SLC7A8: variants seen among roughly 807,000 people sequenced by gnomAD.
SLC7A8 encodes the protein large neutral amino acids transporter small subunit 2.
In SLC7A8, 30 loss-of-function variants were observed where a neutral mutation model predicts 51.2. That is an observed-to-expected ratio of 0.59 (90% CI 0.44 to 0.80). The LOEUF (loss-of-function observed/expected upper bound fraction) is 0.80, where lower values mean the gene tolerates loss of function less well. Ranked by LOEUF, SLC7A8 falls within the 30% of genes least tolerant of loss-of-function variation. SLC7A8 has a pLI of 0.00. For synonymous variants in SLC7A8, 257 were observed against 275.8 expected, an observed-to-expected ratio of 0.93 and a Z score of 0.67; for missense variants, 612 against 674.4, an observed-to-expected ratio of 0.91 and a Z score of 1.03.
In SLC7A8 at chr14:23,183,527, T is replaced by C. The variant is rs1403295901; in HGVS notation, c.-613A>G. The C allele has an allele frequency of 1.3e-5, 2 of 152,386 alleles. No individual in the cohort carries two copies. Among genetic ancestry groups the C allele is most frequent in the Admixed American group, 1.3e-4 (2 of 15,282 alleles). 9.4% of individuals were successfully genotyped at this position (152,386 alleles called of 1,614,324 possible). On this transcript the variant is annotated 5_prime_UTR_variant, in exon 1 of 11. Transcript: ENST00000316902. ...GGTTTCTTTTCCCTTCCCCGTCTTC[T>C]GCTTCCGCCTTTCCCAGGTGTCCTC...
Position 23,183,137 on chromosome 14 carries a change from T to TA in SLC7A8, c.-224dup, listed in dbSNP as rs60162914. The TA allele has an allele frequency of 0.17, 15,765 of 91,030 alleles. 1,983 individuals are homozygous for TA. Among genetic ancestry groups the TA allele is most frequent in the African/African-American group, 0.32 (7,249 of 22,772 alleles). 5.6% of individuals were successfully genotyped at this position (91,030 alleles called of 1,614,324 possible). A position where few individuals can be genotyped will look rare whatever the true frequency, so the allele number is the denominator to read the frequency against. ...CGTTTACAAACAAGAAAAGTGTTGC[T>TA]AAAAAAAAAAAAAAAAAAAAAGGCC... On this transcript the variant is annotated 5_prime_UTR_variant, in exon 1 of 11. An upstream open reading frame in the 5' UTR loses its in-frame stop. Coordinates refer to ENST00000316902, the MANE Select transcript of SLC7A8 (RefSeq NM_012244.4).
chr14:23,168,340 A>T (rs2048960116), intron 1 of SLC7A8, among the ~76,000 whole-genome samples: 2 of 152,176 alleles, frequency 1.3e-5, no homozygotes, highest in Non-Finnish European at 2.9e-5. Context: ...AGGACTTTGG[A>T]CACGTTCCCC....
intron 4 of SLC7A8, 44 bp downstream of exon 4, chr14:23,143,035 G>T (rs773318021): frequency 1.9e-6 from 3 of 1,608,744 alleles, no homozygotes; most frequent in South Asian, 1.1e-5. Context: ...GTACATGCAA[G>T]GGGAGGAAAG....
intron 3 of SLC7A8, among the ~76,000 whole-genome samples, chr14:23,153,660 C>T (rs1176624741): frequency 1.3e-5 from 2 of 152,170 alleles, no homozygotes; most frequent in Admixed American, 6.5e-5. Context: ...AGTCATTTCC[C>T]ACAGGGATCT....
At position 23,165,270 on chromosome 14, in the gene SLC7A8, C is replaced by G; in HGVS notation, c.508+15G>C. 1 of 1,604,102 alleles carries G rather than the reference C, an allele frequency of 6.2e-7. No individual in the cohort carries two copies. Among genetic ancestry groups the G allele is most frequent in the Non-Finnish European group, 8.5e-7 (1 of 1,176,196 alleles). On this transcript the variant is annotated intron_variant, in intron 3 of 10. Coordinates refer to ENST00000316902, the MANE Select transcript of SLC7A8 (RefSeq NM_012244.4). This position sits in a 1 kb window ranked among gnomAD's most constrained non-coding sequence, Gnocchi z 4.2. ...AAAGAGGCTGTCTTGCTACCAAGAC[C>G]CAGATGACACTTACATAAGCAGATG...
chr14:23,171,102 G>A (rs1350603381), intron 1 of SLC7A8, among the ~76,000 whole-genome samples: 1 of 152,142 alleles, frequency 6.6e-6, no homozygotes, highest in African/African-American at 2.4e-5. Flanking sequence ...TTTTAGCTTA[G>A]ACTCATTGTC....
Position 23,165,224 on chromosome 14 carries a change from A to G in SLC7A8, c.508+61T>C, listed in dbSNP as rs115069736. 1.2e-3 allele frequency: 1,709 copies of G among 1,419,476 alleles called. 20 individuals carry two copies. In the African/African-American group the frequency reaches 0.023, roughly 19 times the overall value. The allele number at this position is 1,419,476 out of a possible 1,614,324, so 87.9% of individuals were successfully genotyped here. A position where few individuals can be genotyped will look rare whatever the true frequency, so the allele number is the denominator to read the frequency against. On this transcript the variant is annotated intron_variant, in intron 3 of 10. Transcript: ENST00000316902. The surrounding 1 kb of genome is among the most constrained non-coding windows in gnomAD (Gnocchi z 4.2). ...CAGAGTGAAGACTCTGTTTCTAAAA[A>G]TAATAATAATAAATATAATAAAAGA... is the stretch of plus-strand genomic sequence containing the variant.
At chr14:23,149,541 A>G (rs984190765) in intron 3 of SLC7A8, among the ~76,000 whole-genome samples, 2 of 152,232 alleles carry the variant, frequency 1.3e-5, no homozygotes, top group Non-Finnish European at 2.9e-5. Context: ...ATCAAAGGCC[A>G]TAAAAGAAGT....
chr14:23,180,208 T>C lies in SLC7A8; in HGVS notation c.151+2556A>G, dbSNP rs200948681. On this transcript the variant is annotated intron_variant, in intron 1 of 10. Coordinates refer to ENST00000316902, the MANE Select transcript of SLC7A8 (RefSeq NM_012244.4). ...GGTGTGAGCCACCGCACCCGGCCCT[T>C]TTTTTGCCTTTTAGTTCTCTTTTTT... is the stretch of plus-strand genomic sequence containing the variant. 3.9e-3 allele frequency among the ~76,000 whole-genome samples: 590 copies of C among 152,252 alleles called. 5 individuals are homozygous for C. The highest frequency in any genetic ancestry group is 0.013 in the African/African-American group (547 of 41,538).
chr14:23,132,637 CTTT>C (rs547398613), intron 7 of SLC7A8, among the ~76,000 whole-genome samples: 5 of 140,370 alleles, frequency 3.6e-5, no homozygotes, highest in Non-Finnish European at 3.1e-5. Flanking sequence ...TTATGATCTG[CTTT>C]TTTTTTTTTT....
Position 23,127,114 on chromosome 14 carries a change from AC to A in SLC7A8, c.*62del. 1.3e-6 allele frequency: 2 copies of A among 1,597,954 alleles called. No individual in the cohort carries two copies. The highest frequency in any genetic ancestry group is 2.2e-5 in the South Asian group (2 of 89,718). On this transcript the variant is annotated 3_prime_UTR_variant, in exon 11 of 11. Transcript: ENST00000316902. The stretch of plus-strand genomic sequence containing the variant: ...GTGTGTACTCGCATGTGTTGGCAGG[AC>A]CAAGGCAGGGAGGTAGGATAAAAGG...
chr14:23,128,265 C>A lies in SLC7A8; in HGVS notation c.1264-69G>T. 6.3e-7 allele frequency: 1 copy of A among 1,590,334 alleles called. No individual in the cohort carries two copies. Among genetic ancestry groups the A allele is most frequent in the Non-Finnish European group, 8.6e-7 (1 of 1,168,586 alleles). ...TGGCCCCCAGGACTAGGGACTGGGGCATTCTCTCTCTTCTTCACCCACAGA... is the reference window on the plus strand; with the variant it reads ...TGGCCCCCAGGACTAGGGACTGGGGAATTCTCTCTCTTCTTCACCCACAGA... On this transcript the variant is annotated intron_variant, in intron 9 of 10. Transcript: ENST00000316902. This position sits in a 1 kb window ranked among gnomAD's most constrained non-coding sequence, Gnocchi z 4.3.
chr14:23,179,567 A>T (rs1394584947), intron 1 of SLC7A8, among the ~76,000 whole-genome samples: 1 of 151,402 alleles, frequency 6.6e-6, no homozygotes, highest in African/African-American at 2.4e-5. Flanking sequence ...CCCAGCACTG[A>T]TAGGCCGAGG....
intron 3 of SLC7A8, chr14:23,154,451 G>T: frequency 1.0e-6 from 1 of 987,416 alleles, no homozygotes; most frequent in Non-Finnish European, 1.2e-6. Flanking sequence ...GTGTGGCTAC[G>T]CTCGGCTCTG....
chr14:23,163,818 T>C (rs977234463), intron 3 of SLC7A8, among the ~76,000 whole-genome samples: 5 of 152,158 alleles, frequency 3.3e-5, no homozygotes, highest in Non-Finnish European at 7.4e-5. Context: ...CCCAATCCAT[T>C]GAGATGACTA....
At position 23,128,658 on chromosome 14, in the gene SLC7A8, C is replaced by A. The variant is rs183419654; in HGVS notation, c.1264-462G>T. Among the ~76,000 whole-genome samples, 1 of 152,358 alleles carries A rather than the reference C, an allele frequency of 6.6e-6. No homozygotes were observed. Among genetic ancestry groups the A allele is most frequent in the Admixed American group, 6.5e-5 (1 of 15,310 alleles). The stretch of plus-strand genomic sequence containing the variant: ...CAGGCTCCCTGGTCCTTGCCCACTT[C>A]TGTGCAGGGCCCTTATGTGGGCACA... On this transcript the variant is annotated intron_variant, in intron 9 of 10. Transcript: ENST00000316902. The surrounding 1 kb of genome is among the most constrained non-coding windows in gnomAD (Gnocchi z 4.3).
chr14:23,157,571 T>C (rs778816026), intron 3 of SLC7A8, among the ~76,000 whole-genome samples: 3 of 152,194 alleles, frequency 2.0e-5, no homozygotes, highest in Admixed American at 1.3e-4. Context: ...ATTTCTTGCC[T>C]CCTAGTCTAT....
Position 23,165,554 on chromosome 14 carries a change from C to A in SLC7A8, c.357-118G>T. Reference sequence around the variant, plus strand: ...TTTCAAGGATGCTGAAGAGCCCAGCCTCTGCCCCCACCCACAAATGAGACA... The same window carrying A: ...TTTCAAGGATGCTGAAGAGCCCAGCATCTGCCCCCACCCACAAATGAGACA... On this transcript the variant is annotated intron_variant, in intron 2 of 10. Coordinates refer to ENST00000316902, the MANE Select transcript of SLC7A8 (RefSeq NM_012244.4). The surrounding 1 kb of genome is among the most constrained non-coding windows in gnomAD (Gnocchi z 4.2). 9.4e-7 allele frequency: 1 copy of A among 1,060,438 alleles called. No homozygotes were observed. Among genetic ancestry groups the A allele is most frequent in the Non-Finnish European group, 1.3e-6 (1 of 760,544 alleles). The allele number at this position is 1,060,438 out of a possible 1,614,324, so 65.7% of individuals were successfully genotyped here. A position where few individuals can be genotyped will look rare whatever the true frequency, so the allele number is the denominator to read the frequency against.
intron 4 of SLC7A8, among the ~76,000 whole-genome samples, chr14:23,142,567 C>CA (rs1392223615): frequency 2.0e-5 from 3 of 152,206 alleles, no homozygotes; most frequent in Non-Finnish European, 4.4e-5. Flanking sequence ...GTGGCACAAT[C>CA]ATAGCTCACT....
Sources: allele counts gnomAD v4.1 joint callset (sites outside exome capture counted in the v4.1 genomes callset), GRCh38; gene constraint gnomAD v4.1.1; non-coding constraint Gnocchi (gnomAD v3.1); transcripts MANE v1.5; gene names NCBI Gene and HGNC (gene_info 2026-07-23, HGNC 2026-07-21).